ELAPOR2: variants seen among roughly 807,000 people sequenced by gnomAD.
ELAPOR2 encodes endosome/lysosome-associated apoptosis and autophagy regulator family member 2.
Under a neutral mutation model 120.7 loss-of-function variants are expected in ELAPOR2, and 89 were observed. The ratio of observed to expected loss-of-function variants is 0.74; its 90% CI spans 0.62 to 0.88. ELAPOR2 has a LOEUF of 0.88. Ranked by LOEUF, ELAPOR2 falls within the 40% of genes least tolerant of loss-of-function variation. The pLI, the probability that ELAPOR2 is intolerant of heterozygous loss-of-function variation, is 0.00. For synonymous variants in ELAPOR2, 444 were observed against 444.9 expected, an observed-to-expected ratio of 1.00 and a Z score of 0.03; for missense variants, 1,134 against 1,251.6, an observed-to-expected ratio of 0.91 and a Z score of 1.42.
chr7:87,037,819 T>C (rs971834804), intron 1 of ELAPOR2, among the ~76,000 whole-genome samples: 14 of 152,234 alleles, frequency 9.2e-5, no homozygotes, highest in African/African-American at 3.1e-4. Context: ...TTTCTTTGAC[T>C]GAGATGTGGT....
In ELAPOR2 at chr7:86,907,219, T is replaced by C. The variant is rs112761946; in HGVS notation, c.2558+451A>G. The stretch of plus-strand genomic sequence containing the variant: ...AGAGCTAGAAATCGATAATATAAAT[T>C]ACCCTGGCCCCCATACCCTTCCAGA... On this transcript the variant is annotated intron_variant, in intron 18 of 21. Coordinates refer to ENST00000450689, the MANE Select transcript of ELAPOR2 (RefSeq NM_001142749.3). Among the ~76,000 whole-genome samples the C allele has an allele frequency of 1.7e-3, 253 of 152,140 alleles. 3 individuals are homozygous for C. Among genetic ancestry groups the C allele is most frequent in the African/African-American group, 5.8e-3 (243 of 41,542 alleles).
intron 8 of ELAPOR2, among the ~76,000 whole-genome samples, chr7:86,928,214 G>A (rs993534419): frequency 2.6e-5 from 4 of 151,930 alleles, no homozygotes; most frequent in African/African-American, 9.6e-5. Flanking sequence ...CTTACCATCT[G>A]TAAAATAATG....
At chr7:86,909,446 A>T (rs1789191367) in intron 16 of ELAPOR2, among the ~76,000 whole-genome samples, 1 of 152,106 alleles carries the variant, frequency 6.6e-6, no homozygotes, top group Non-Finnish European at 1.5e-5. Context: ...AGAAAAGGTG[A>T]TGGAAACTGG....
At chr7:86,975,074 C>T (rs1178287974) in intron 1 of ELAPOR2, among the ~76,000 whole-genome samples, 8 of 152,160 alleles carry the variant, frequency 5.3e-5, no homozygotes, top group South Asian at 2.1e-4. Flanking sequence ...AATAGTCAAA[C>T]GAGAGAAAAG....
At chr7:86,910,038 G>C in intron 15 of ELAPOR2, 37 bp from the exon 16 acceptor site, 1 of 1,496,934 alleles carries the variant, frequency 6.7e-7, no homozygotes, top group Non-Finnish European at 9.2e-7. Context: ...GGTTTTATTG[G>C]ATGTCAATCT....
chr7:86,893,724 C>T (rs932039903), intron 19 of ELAPOR2, among the ~76,000 whole-genome samples: 7 of 152,038 alleles, frequency 4.6e-5, no homozygotes, highest in Non-Finnish European at 7.4e-5. Context: ...ACACCAGTTA[C>T]TTTCATCCTC....
intron 7 of ELAPOR2, among the ~76,000 whole-genome samples, 184 bp from the exon 8 acceptor site, chr7:86,938,398 G>T (rs1309718219): frequency 6.6e-6 from 1 of 152,032 alleles, no homozygotes; most frequent in Non-Finnish European, 1.5e-5. Flanking sequence ...AGAGCAATAA[G>T]TGTTTCTATG....
chr7:87,019,710 C>T (rs774192409), intron 1 of ELAPOR2, among the ~76,000 whole-genome samples: 9 of 152,134 alleles, frequency 5.9e-5, no homozygotes, highest in Non-Finnish European at 8.8e-5. Context: ...ATCAGTATAA[C>T]ATTTCCATAG....
chr7:86,881,108 A>C (rs1332331268), intron 21 of ELAPOR2, among the ~76,000 whole-genome samples: 1 of 152,204 alleles, frequency 6.6e-6, no homozygotes, highest in Non-Finnish European at 1.5e-5. Flanking sequence ...CATTGCTGGC[A>C]TTATATAAAA....
intron 1 of ELAPOR2, among the ~76,000 whole-genome samples, chr7:87,017,904 G>A (rs1483647993): frequency 6.6e-6 from 1 of 152,134 alleles, no homozygotes; most frequent in African/African-American, 2.4e-5. Flanking sequence ...CTGGGTGACA[G>A]AGTGAGACTG....
At chr7:86,925,341 A>G (rs1790017408) in intron 10 of ELAPOR2, among the ~76,000 whole-genome samples, 187 bp downstream of exon 10, 1 of 152,010 alleles carries the variant, frequency 6.6e-6, no homozygotes, top group Non-Finnish European at 1.5e-5. Context: ...TTGTTCTTCT[A>G]TGAATGTCAC....
chr7:87,023,588 C>A (rs1187475173), intron 1 of ELAPOR2, among the ~76,000 whole-genome samples: 1 of 152,138 alleles, frequency 6.6e-6, no homozygotes, highest in African/African-American at 2.4e-5. Flanking sequence ...GTAGTTTTTT[C>A]CAGTTCTGTG....
At chr7:87,048,970 A>T (rs1562986268) in intron 1 of ELAPOR2, among the ~76,000 whole-genome samples, 1 of 152,236 alleles carries the variant, frequency 6.6e-6, no homozygotes, top group Non-Finnish European at 1.5e-5. Context: ...GATCATAACA[A>T]ACATTGATTA....
In ELAPOR2 at chr7:86,938,854, T is replaced by C. The variant is rs376223945; in HGVS notation, c.954A>G (p.Lys318=). ...TACACCTTATACATTCTTTGGCTCC[T>C]TTCTCAGAATAGGTGTTTCTGGGAC... The part of the protein sequence containing the change: ...QVCPRNTYSE[K]GAKECIRCKD... The change falls in exon 7 of 22, where the codon AAA becomes AAG. Residue 318 remains lysine (K), a synonymous_variant. Coordinates refer to ENST00000450689, the MANE Select transcript of ELAPOR2 (RefSeq NM_001142749.3). 40 of 1,613,272 alleles carry C rather than the reference T, an allele frequency of 2.5e-5. No homozygotes were observed. The highest frequency in any genetic ancestry group is 4.0e-5 in the African/African-American group (3 of 74,852).
At chr7:87,034,783 C>A (rs975336176) in intron 1 of ELAPOR2, among the ~76,000 whole-genome samples, 1 of 152,004 alleles carries the variant, frequency 6.6e-6, no homozygotes, top group Non-Finnish European at 1.5e-5. Flanking sequence ...CTAAGTAAGA[C>A]AGAATAAGAA....
Position 86,891,862 on chromosome 7 carries a change from T to C in ELAPOR2, c.2892A>G (p.Val964=). The stretch of plus-strand genomic sequence containing the variant: ...CACACTCTTTTGAGTTAGTCGTCAT[T>C]ACTAACTTGGAATATTTGTATTCCA... The part of the protein sequence containing the change: ...QKLEYKYSKL[V]MTTNSKECEL... The change falls in exon 21 of 22, where the codon GTA becomes GTG. Residue 964 remains valine (V), a synonymous_variant. Transcript: ENST00000450689. 6.2e-7 allele frequency: 1 copy of C among 1,607,446 alleles called. No individual in the cohort carries two copies. Among genetic ancestry groups the C allele is most frequent in the Non-Finnish European group, 8.5e-7 (1 of 1,175,924 alleles).
At chr7:86,929,405 C>T (rs998765689) in intron 8 of ELAPOR2, among the ~76,000 whole-genome samples, 1 of 151,936 alleles carries the variant, frequency 6.6e-6, no homozygotes, top group African/African-American at 2.4e-5. Context: ...GATGTTCTGG[C>T]TCAGGTGGTC....
At chr7:86,952,806 T>G (rs971208556) in intron 2 of ELAPOR2, among the ~76,000 whole-genome samples, 16 of 152,114 alleles carry the variant, frequency 1.1e-4, no homozygotes, top group African/African-American at 3.9e-4. Flanking sequence ...CAATTATTAA[T>G]AGTTTAGGCT....
chr7:86,993,463 C>A (rs1793019971), intron 1 of ELAPOR2, among the ~76,000 whole-genome samples: 1 of 151,880 alleles, frequency 6.6e-6, no homozygotes, highest in Non-Finnish European at 1.5e-5. Flanking sequence ...CAATACAATA[C>A]CATTATTACT....
Sources: allele counts gnomAD v4.1 joint callset (sites outside exome capture counted in the v4.1 genomes callset), GRCh38; gene constraint gnomAD v4.1.1; transcripts MANE v1.5; gene names NCBI Gene and HGNC (gene_info 2026-07-23, HGNC 2026-07-21).